The following RFTN1 variants were observed in gnomAD, a reference collection of about 807,000 sequenced individuals.
The protein encoded by RFTN1 is raftlin.
In RFTN1, 26 loss-of-function variants were observed where a neutral mutation model predicts 46.5. That is an observed-to-expected ratio of 0.56 (90% CI 0.41 to 0.78). RFTN1 has a LOEUF of 0.78. Among genes scored for constraint, RFTN1 ranks in the 30% least tolerant of loss-of-function variants. The probability of loss-of-function intolerance (pLI) is 0.00; values close to 1 mark genes in which losing one functional copy is unlikely to be tolerated. For synonymous variants in RFTN1, 261 were observed against 284.2 expected (o/e 0.92, Z 0.82); for missense variants, 693 against 718.7 (o/e 0.96, Z 0.41).
intron 3 of RFTN1, among the ~76,000 whole-genome samples, chr3:16,415,631 A>T (rs2075064466): frequency 6.6e-6 from 1 of 151,740 alleles, no homozygotes; most frequent in Non-Finnish European, 1.5e-5. Flanking sequence ...TCCACCATGA[A>T]GAGGGTGGGG....
Position 16,451,782 on chromosome 3 carries a change from T to G in RFTN1, c.146-17745A>C, listed in dbSNP as rs56082183. On this transcript the variant is annotated intron_variant, in intron 2 of 9. Coordinates refer to ENST00000334133, the MANE Select transcript of RFTN1 (RefSeq NM_015150.2). The surrounding 1 kb of genome is among the most constrained non-coding windows in gnomAD (Gnocchi z 4.2). ...CATAGATGGAAGATTCATTCTTACC[T>G]TAGATCTTAGCAACTTCAGCATATG... 0.18 allele frequency among the ~76,000 whole-genome samples: 26,812 copies of G among 152,184 alleles called. 2,620 individuals carry two copies. The highest frequency in any genetic ancestry group is 0.27 in the East Asian group (1,399 of 5,174).
chr3:16,392,885 A>G (rs1005156886), intron 4 of RFTN1, among the ~76,000 whole-genome samples: 1 of 152,092 alleles, frequency 6.6e-6, no homozygotes, highest in Non-Finnish European at 1.5e-5. Flanking sequence ...AAAAAAAGAA[A>G]ATGTGTGAGT....
At position 16,316,544 on chromosome 3, in the gene RFTN1, A is replaced by C. The variant is rs2068415777; in HGVS notation, c.*284T>G. 2.2e-6 allele frequency: 1 copy of C among 462,030 alleles called. No homozygotes were observed. Among genetic ancestry groups the C allele is most frequent in the Non-Finnish European group, 3.9e-6 (1 of 255,068 alleles). 28.6% of individuals were successfully genotyped at this position (462,030 alleles called of 1,614,324 possible). A position where few individuals can be genotyped will look rare whatever the true frequency, so the allele number is the denominator to read the frequency against. On this transcript the variant is annotated 3_prime_UTR_variant, in exon 10 of 10. Coordinates refer to ENST00000334133, the MANE Select transcript of RFTN1 (RefSeq NM_015150.2). The surrounding 1 kb of genome is among the most constrained non-coding windows in gnomAD (Gnocchi z 4.5). ...ATGGTCCAGACCCTCTGGCTGGAGG[A>C]GTGGTGGAGCCAGGACTGGGCCTTC...
At chr3:16,397,273 C>T (rs180891526) in intron 4 of RFTN1, among the ~76,000 whole-genome samples, 3 of 149,374 alleles carry the variant, frequency 2.0e-5, no homozygotes, top group Admixed American at 6.6e-5. Context: ...TGCATGATCT[C>T]ACTTATATGT....
intron 2 of RFTN1, among the ~76,000 whole-genome samples, chr3:16,441,597 A>G (rs916422266): frequency 4.6e-5 from 7 of 152,210 alleles, no homozygotes; most frequent in African/African-American, 1.7e-4. Context: ...CATTTCACTC[A>G]GCTCTGTAAA....
At chr3:16,414,750 C>T (rs2075042829) in intron 3 of RFTN1, among the ~76,000 whole-genome samples, 1 of 152,052 alleles carries the variant, frequency 6.6e-6, no homozygotes. Flanking sequence ...ATAAAGACTT[C>T]CAGGAGGTAA....
rs1263198685 is a variant in RFTN1 at position 16,358,187 on chromosome 3, C to T, written c.1031-140G>A. On this transcript the variant is annotated intron_variant, in intron 6 of 9. Coordinates refer to ENST00000334133, the MANE Select transcript of RFTN1 (RefSeq NM_015150.2). ...TTTTCAGCATGTTAATTAAAGAAGG[C>T]ACACACAAGCCATAGAGTCTATCTA... is the stretch of plus-strand genomic sequence containing the variant. 3.0e-5 allele frequency: 19 copies of T among 625,834 alleles called. 1 individual carries two copies. The highest frequency in any genetic ancestry group is 1.9e-4 in the South Asian group (10 of 53,234). The allele number at this position is 625,834 out of a possible 1,614,324, so 38.8% of individuals were successfully genotyped here. A position where few individuals can be genotyped will look rare whatever the true frequency, so the allele number is the denominator to read the frequency against.
At chr3:16,331,955 T>C (rs943642557) in intron 7 of RFTN1, among the ~76,000 whole-genome samples, 1 of 152,274 alleles carries the variant, frequency 6.6e-6, no homozygotes, top group Non-Finnish European at 1.5e-5. Context: ...AGTTTCTAGA[T>C]GTCAGCAATG....
intron 7 of RFTN1, among the ~76,000 whole-genome samples, chr3:16,331,348 T>TA (rs2070293436): frequency 2.0e-5 from 3 of 152,254 alleles, no homozygotes; most frequent in Admixed American, 2.0e-4. Context: ...AGTGCTCCCA[T>TA]AAACATTTCT....
chr3:16,363,631 C>T lies in RFTN1; in HGVS notation c.1031-5584G>A, dbSNP rs1222793617. Reference sequence around the variant, plus strand: ...GGCTCAGCCCCAGGGTGCTGTGCTTCGCCAAAGTCTAGCCTGAATGTGCAT... The same window carrying T: ...GGCTCAGCCCCAGGGTGCTGTGCTTTGCCAAAGTCTAGCCTGAATGTGCAT... On this transcript the variant is annotated intron_variant, in intron 6 of 9. Coordinates refer to ENST00000334133, the MANE Select transcript of RFTN1 (RefSeq NM_015150.2). 2.0e-5 allele frequency among the ~76,000 whole-genome samples: 3 copies of T among 152,262 alleles called. 1 individual carries two copies. Among genetic ancestry groups the T allele is most frequent in the Admixed American group, 1.3e-4 (2 of 15,290 alleles).
chr3:16,387,136 C>A lies in RFTN1; in HGVS notation c.442-9034G>T, dbSNP rs1218268549. Among the ~76,000 whole-genome samples, 1 of 152,048 alleles carries A rather than the reference C, an allele frequency of 6.6e-6. No homozygotes were observed. Among genetic ancestry groups the A allele is most frequent in the African/African-American group, 2.4e-5 (1 of 41,420 alleles). ...CTGTCCATCACATGACCCACTGCTT[C>A]CATCACTCTCCTCCTATTATATCCT... On this transcript the variant is annotated intron_variant, in intron 4 of 9. Coordinates refer to ENST00000334133, the MANE Select transcript of RFTN1 (RefSeq NM_015150.2). This position sits in a 1 kb window ranked among gnomAD's most constrained non-coding sequence, Gnocchi z 5.2.
chr3:16,372,900 A>G (rs2073582721), intron 5 of RFTN1, among the ~76,000 whole-genome samples: 1 of 152,192 alleles, frequency 6.6e-6, no homozygotes, highest in Non-Finnish European at 1.5e-5. Context: ...GCAATGAAAT[A>G]TTGGGAGAAA....
At chr3:16,347,050 C>T (rs1038322614) in intron 7 of RFTN1, among the ~76,000 whole-genome samples, 38 of 152,220 alleles carry the variant, frequency 2.5e-4, no homozygotes, top group African/African-American at 8.9e-4. Flanking sequence ...CCATGACCAC[C>T]ACCCTTATTC....
chr3:16,358,758 C>T lies in RFTN1; in HGVS notation c.1031-711G>A, dbSNP rs533227029. Among the ~76,000 whole-genome samples the T allele has an allele frequency of 2.2e-4, 33 of 152,078 alleles. No homozygotes were observed. In the South Asian group the frequency reaches 4.4e-3, roughly 20 times the overall value. On this transcript the variant is annotated intron_variant, in intron 6 of 9. Coordinates refer to ENST00000334133, the MANE Select transcript of RFTN1 (RefSeq NM_015150.2). ...AAAAAGAAATATAGAACAGGCCAGG[C>T]GCAGTGGCTCACACCTGTAATCCCA...
In RFTN1 at chr3:16,442,361, G is replaced by T. The variant is rs927837172; in HGVS notation, c.146-8324C>A. 6.6e-6 allele frequency among the ~76,000 whole-genome samples: 1 copy of T among 151,936 alleles called. No homozygotes were observed. Among genetic ancestry groups the T allele is most frequent in the African/African-American group, 2.4e-5 (1 of 41,340 alleles). On this transcript the variant is annotated intron_variant, in intron 2 of 9. Transcript: ENST00000334133. The surrounding 1 kb of genome is among the most constrained non-coding windows in gnomAD (Gnocchi z 4.1). ...CCAAAGGAAACTCCATGTCCATTAA[G>T]CAGTTACTCTTCCCATTCCCCTCTC... is the stretch of plus-strand genomic sequence containing the variant.
rs1165187712 is a variant in RFTN1 at position 16,409,458 on chromosome 3, C to G, written c.358G>C (p.Glu120Gln). 1.9e-6 allele frequency: 3 copies of G among 1,612,858 alleles called. No individual in the cohort carries two copies. In the African/African-American group the frequency reaches 4.0e-5, roughly 22 times the overall value. Residue 120 changes from glutamate to glutamine, a missense_variant, in exon 4 of 10, where the codon GAA (glutamate) becomes CAA (glutamine). Transcript: ENST00000334133. ...CAATCTAATTCCAAGATGTAGCCTT[C>G]ATTGTGAAGATCAGTTTTCTGAGAT... ...DRSQKTDLHNEGYILELDCCS... is the reference protein window; with the variant it reads ...DRSQKTDLHNQGYILELDCCS...
chr3:16,510,033 G>A (rs28680533), intron 1 of RFTN1, among the ~76,000 whole-genome samples: 22,890 of 152,156 alleles, frequency 0.15, 1,968 homozygotes, highest in East Asian at 0.28. Flanking sequence ...TTGGCTGTTG[G>A]CACCACAGAG....
Position 16,474,105 on chromosome 3 carries a change from CT to C in RFTN1, c.145+19619del, listed in dbSNP as rs554674480. Reference sequence around the variant, plus strand: ...GAGGAAATCTTGCACTTACATTTGACTCTTCTTTGCATTTGGTATAAAAATA... The same window carrying C: ...GAGGAAATCTTGCACTTACATTTGACCTTCTTTGCATTTGGTATAAAAATA... On this transcript the variant is annotated intron_variant, in intron 2 of 9. Coordinates refer to ENST00000334133, the MANE Select transcript of RFTN1 (RefSeq NM_015150.2). This position sits in a 1 kb window ranked among gnomAD's most constrained non-coding sequence, Gnocchi z 5.5. Among the ~76,000 whole-genome samples, 6 of 152,206 alleles carry C rather than the reference CT, an allele frequency of 3.9e-5. No homozygotes were observed. The highest frequency in any genetic ancestry group is 8.8e-5 in the Non-Finnish European group (6 of 68,026).
At chr3:16,469,785 G>A (rs1206459970) in intron 2 of RFTN1, among the ~76,000 whole-genome samples, 1 of 152,172 alleles carries the variant, frequency 6.6e-6, no homozygotes, top group East Asian at 1.9e-4. Context: ...AGCACTGACT[G>A]GACACAAAGC....
Sources: gnomAD v4.1 joint callset for allele counts (sites outside exome capture counted in the v4.1 genomes callset) on GRCh38, gnomAD v4.1.1 for gene constraint, Gnocchi (gnomAD v3.1) non-coding constraint, MANE v1.5 for transcripts, NCBI Gene and HGNC (gene_info 2026-07-23, HGNC 2026-07-21) for gene names.